DDX50: variants seen among roughly 807,000 people sequenced by gnomAD.
The protein encoded by DDX50 is ATP-dependent RNA helicase DDX50.
In DDX50, 56 loss-of-function variants were observed where a neutral mutation model predicts 94.8. That is an observed-to-expected ratio of 0.59 (90% CI 0.48 to 0.74). DDX50 has a LOEUF of 0.74. DDX50 is among the 30% of genes least tolerant of loss of function. The pLI, the probability that DDX50 is intolerant of heterozygous loss-of-function variation, is 0.00. For synonymous variants in DDX50, 264 were observed against 295.4 expected (o/e 0.89, Z 1.09); for missense variants, 713 against 881.2 (o/e 0.81, Z 2.42).
At position 68,906,943 on chromosome 10, in the gene DDX50, A is replaced by G. The variant is rs757740922; in HGVS notation, c.320A>G (p.Lys107Arg). ...PNGDIDEYEK[K>R]SKRVSSLDTS... ...GGAGATATAGATGAATATGAAAAAA[A>G]ATCAAAGCGAGTATCATCTTTAGAT... The change falls in exon 2 of 15, where the codon AAA becomes AGA. Residue 107 changes from lysine (K) to arginine (R), a missense_variant. Physicochemically the swap from Lys to Arg is conservative, Grantham distance 26. Coordinates refer to ENST00000373585, the MANE Select transcript of DDX50 (RefSeq NM_024045.2). 2.5e-6 allele frequency: 4 copies of G among 1,600,656 alleles called. No homozygotes were observed. Among genetic ancestry groups the G allele is most frequent in the Admixed American group, 1.8e-5 (1 of 55,490 alleles).
intron 8 of DDX50, among the ~76,000 whole-genome samples, chr10:68,930,099 CCTTT>C (rs200891892): frequency 0.039 from 5,635 of 143,454 alleles, 418 homozygotes; most frequent in African/African-American, 0.14. Context: ...TTCCTTCCTT[CCTTT>C]CTTTCCTTTC....
chr10:68,946,749 G>A lies in DDX50; in HGVS notation c.*119G>A. On this transcript the variant is annotated 3_prime_UTR_variant, in exon 15 of 15. Transcript: ENST00000373585. ...TGTGTCTGCTATTTGCAAAGAAGTTGGTCGTATTTTTTTAAAAAGTATTTC... is the reference window on the plus strand; with the variant it reads ...TGTGTCTGCTATTTGCAAAGAAGTTAGTCGTATTTTTTTAAAAAGTATTTC... 7.6e-7 allele frequency: 1 copy of A among 1,322,556 alleles called. No homozygotes were observed. 81.9% of individuals were successfully genotyped at this position (1,322,556 alleles called of 1,614,324 possible). A position where few individuals can be genotyped will look rare whatever the true frequency, so the allele number is the denominator to read the frequency against.
At chr10:68,905,174 C>A (rs986507961) in intron 1 of DDX50, among the ~76,000 whole-genome samples, 1 of 152,306 alleles carries the variant, frequency 6.6e-6, no homozygotes, top group East Asian at 1.9e-4. Flanking sequence ...ACCTCGCCCC[C>A]CCAGAGTGCT....
intron 6 of DDX50, 97 bp downstream of exon 6, chr10:68,913,673 C>T (rs1358290242): frequency 1.8e-5 from 22 of 1,218,916 alleles, no homozygotes; most frequent in East Asian, 2.5e-5. Flanking sequence ...GTGTCCCCTG[C>T]GTTCTAACAA....
At chr10:68,917,471 A>G (rs1007046066) in intron 7 of DDX50, among the ~76,000 whole-genome samples, 8 of 152,128 alleles carry the variant, frequency 5.3e-5, no homozygotes, top group Non-Finnish European at 1.0e-4. Context: ...AAAACAACAA[A>G]AAAACTCATT....
chr10:68,920,061 AC>A, intron 8 of DDX50, 80 bp downstream of exon 8: 3 of 1,553,780 alleles, frequency 1.9e-6, no homozygotes, highest in Non-Finnish European at 2.6e-6. Flanking sequence ...TCCTTTGTGG[AC>A]CAGATTTGAT....
Position 68,914,938 on chromosome 10 carries a change from T to G in DDX50, c.1089+734T>G, listed in dbSNP as rs569372133. ...TGGGAGGCTGAGGCATGAGAATCAC[T>G]TGAACCCAGGAGGTGGAGGTTGCAG... is the stretch of plus-strand genomic sequence containing the variant. On this transcript the variant is annotated intron_variant, in intron 7 of 14. Coordinates refer to ENST00000373585, the MANE Select transcript of DDX50 (RefSeq NM_024045.2). 4.0e-5 allele frequency among the ~76,000 whole-genome samples: 6 copies of G among 149,596 alleles called. No homozygotes were observed. In the East Asian group the frequency reaches 1.0e-3, roughly 25 times the overall value.
At chr10:68,913,962 A>G (rs1841710491) in intron 6 of DDX50, 97 bp from the exon 7 acceptor site, 2 of 1,220,968 alleles carry the variant, frequency 1.6e-6, no homozygotes, top group Non-Finnish European at 1.1e-6. Context: ...CAAGTTTTAC[A>G]TTTTTCATTA....
In DDX50 at chr10:68,934,493, A is replaced by G; in HGVS notation, c.1401+133A>G. The G allele has an allele frequency of 1.6e-6, 2 of 1,243,686 alleles. No individual in the cohort carries two copies. The highest frequency in any genetic ancestry group is 1.4e-5 in the South Asian group (1 of 72,574). 77.0% of individuals were successfully genotyped at this position (1,243,686 alleles called of 1,614,324 possible). A position where few individuals can be genotyped will look rare whatever the true frequency, so the allele number is the denominator to read the frequency against. ...CTTAGCCATTTTTTGTTAGTGTGCT[A>G]TTAAATTTATCAGATTCTGATACTT... On this transcript the variant is annotated intron_variant, in intron 9 of 14. Coordinates refer to ENST00000373585, the MANE Select transcript of DDX50 (RefSeq NM_024045.2). This position sits in a 1 kb window ranked among gnomAD's most constrained non-coding sequence, Gnocchi z 4.0.
rs1471153416 is a variant in DDX50 at position 68,931,401 on chromosome 10, ATATATATATG to A, written c.1240-2788_1240-2779del. 8.8e-4 allele frequency among the ~76,000 whole-genome samples: 56 copies of A among 63,464 alleles called. 1 individual carries two copies. The highest frequency in any genetic ancestry group is 4.5e-4 in the South Asian group (1 of 2,204). 41.6% of individuals were successfully genotyped at this position (63,464 alleles called of 152,430 possible). A position where few individuals can be genotyped will look rare whatever the true frequency, so the allele number is the denominator to read the frequency against. Reference sequence around the variant, plus strand: ...GATCATTAAAAAAAAAAATATATATATATATATATGTATATATATATATATACACAAACAC... The same window carrying A: ...GATCATTAAAAAAAAAAATATATATATATATATATATATATACACAAACAC... On this transcript the variant is annotated intron_variant, in intron 8 of 14. Coordinates refer to ENST00000373585, the MANE Select transcript of DDX50 (RefSeq NM_024045.2).
intron 7 of DDX50, among the ~76,000 whole-genome samples, chr10:68,917,095 G>C (rs1589255354): frequency 6.6e-6 from 1 of 152,080 alleles, no homozygotes; most frequent in East Asian, 1.9e-4. Flanking sequence ...CGTTGCTACT[G>C]ATTGATATGC....
chr10:68,944,532 C>A (rs1210115843), intron 14 of DDX50, among the ~76,000 whole-genome samples: 1 of 151,380 alleles, frequency 6.6e-6, no homozygotes, highest in Non-Finnish European at 1.5e-5. Context: ...TTTTTCTTTT[C>A]TTTTTATATT....
chr10:68,939,903 G>C (rs1487299554), intron 12 of DDX50, among the ~76,000 whole-genome samples: 1 of 120,062 alleles, frequency 8.3e-6, no homozygotes, highest in Non-Finnish European at 1.6e-5. Context: ...AGAATTTACT[G>C]TCCATGAGAG....
chr10:68,938,706 A>G (rs1446376627), intron 12 of DDX50, among the ~76,000 whole-genome samples: 2 of 152,142 alleles, frequency 1.3e-5, no homozygotes, highest in Non-Finnish European at 2.9e-5. Flanking sequence ...GTTTAGCTAA[A>G]TGTCATTTTG....
intron 7 of DDX50, among the ~76,000 whole-genome samples, chr10:68,917,129 A>G (rs961277595): frequency 6.6e-6 from 1 of 151,968 alleles, no homozygotes; most frequent in Non-Finnish European, 1.5e-5. Context: ...TATAATCTAT[A>G]GTTCCTTTTT....
At chr10:68,941,030 C>G in intron 12 of DDX50, 30 bp from the exon 13 acceptor site, 5 of 1,587,532 alleles carry the variant, frequency 3.1e-6, no homozygotes, top group African/African-American at 2.7e-5. Flanking sequence ...TGATTTATTT[C>G]CAAACATAAT....
intron 13 of DDX50, among the ~76,000 whole-genome samples, chr10:68,942,913 G>A (rs560597336): frequency 6.6e-6 from 1 of 151,982 alleles, no homozygotes; most frequent in Admixed American, 6.6e-5. Context: ...GAACTACCAC[G>A]CCTGGCCCAT....
At chr10:68,932,360 A>G (rs1490697093) in intron 8 of DDX50, among the ~76,000 whole-genome samples, 1 of 152,154 alleles carries the variant, frequency 6.6e-6, no homozygotes, top group East Asian at 1.9e-4. Context: ...CCTGGGTTCA[A>G]ATGATTCTCC....
chr10:68,901,970 G>A (rs1841298667), intron 1 of DDX50, among the ~76,000 whole-genome samples: 1 of 152,138 alleles, frequency 6.6e-6, no homozygotes, highest in Admixed American at 6.5e-5. Flanking sequence ...ACTGAGACTT[G>A]CCAGGATTTG....
Sources: allele counts gnomAD v4.1 joint callset (sites outside exome capture counted in the v4.1 genomes callset), GRCh38; gene constraint gnomAD v4.1.1; non-coding constraint Gnocchi (gnomAD v3.1); transcripts MANE v1.5; gene names NCBI Gene and HGNC (gene_info 2026-07-23, HGNC 2026-07-21).